Variants in ADGRV1 observed in about 807,000 individuals in gnomAD.
ADGRV1 encodes the protein G-protein coupled receptor 98.
A neutral mutation model predicts 596.2 loss-of-function variants in ADGRV1; 359 were observed. The observed-to-expected ratio is 0.60, with a 90% CI of 0.55 to 0.66. The LOEUF is 0.66. ADGRV1 is among the 30% of genes least tolerant of loss of function. The probability of loss-of-function intolerance (pLI) is 0.00; values close to 1 mark genes in which losing one functional copy is unlikely to be tolerated. For synonymous variants in ADGRV1, 2,681 were observed against 2,679.2 expected (o/e 1.00, Z -0.02); for missense variants, 7,274 against 7,575.6 (o/e 0.96, Z 1.48).
intron 20 of ADGRV1, among the ~76,000 whole-genome samples, chr5:90,656,169 A>G (rs1022732994): frequency 1.3e-5 from 2 of 152,242 alleles, no homozygotes; most frequent in African/African-American, 4.8e-5. Context: ...TTTGTCCCAG[A>G]GAATTAGTCA....
At chr5:90,772,644 A>AT (rs1757813804) in intron 59 of ADGRV1, among the ~76,000 whole-genome samples, 1 of 152,206 alleles carries the variant, frequency 6.6e-6, no homozygotes, top group East Asian at 1.9e-4. Flanking sequence ...CTCAATATTG[A>AT]TTTTGGGGTT....
rs534266547 is a variant in ADGRV1 at position 90,791,234 on chromosome 5, G to A, written c.14405G>A (p.Arg4802Gln). The A allele has an allele frequency of 2.1e-4, 342 of 1,613,062 alleles. 3 individuals are homozygous for A. The East Asian group carries it at 7.0e-3, about 33-fold the overall frequency. ...TTTGGAGATGTGGCTGTTGGGCTTC[G>A]AATATCATCGGATCATAAAGAACAG... ...GTFGDVAVGLRISSDHKEQPI... is the reference protein window; with the variant it reads ...GTFGDVAVGLQISSDHKEQPI... The change falls in exon 70 of 90, where the codon CGA becomes CAA. Residue 4802 changes from arginine (R) to glutamine (Q), a missense_variant. By Grantham distance (43) the Arg-to-Gln change is conservative. Around this residue, in one of 5 missense-constraint regions of ADGRV1, gnomAD observed 1,874 missense variants for 1,970.2 expected, o/e 0.95. Transcript: ENST00000405460.
chr5:90,703,748 C>G lies in ADGRV1; in HGVS notation c.8239C>G (p.Leu2747Val), dbSNP rs758140783. The G allele has an allele frequency of 6.2e-7, 1 of 1,604,082 alleles. No homozygotes were observed. The highest frequency in any genetic ancestry group is 2.2e-5 in the East Asian group (1 of 44,638). ...TAACTGGAAAATTATTGGGCAAAAT[C>G]TAGAACTCAATTTTGCTAACTTTAG... is the stretch of plus-strand genomic sequence containing the variant. ...TVNWKIIGQN[L>V]ELNFANFSGQ... Residue 2747 changes from leucine to valine, a missense_variant, in exon 35 of 90, where the codon CTA becomes GTA. Coordinates refer to ENST00000405460, the MANE Select transcript of ADGRV1 (RefSeq NM_032119.4).
At chr5:91,000,668 CTGTGTGTGTGTGTGTG>C (rs6149110) in intron 85 of ADGRV1, among the ~76,000 whole-genome samples, 9 of 141,154 alleles carry the variant, frequency 6.4e-5, no homozygotes, top group Admixed American at 3.6e-4. Context: ...CTTACAGGAT[CTGTGTGTGTGTGTGTG>C]TGTGTGTGTG....
At chr5:91,131,191 C>T (rs1794183745) in intron 87 of ADGRV1, among the ~76,000 whole-genome samples, 1 of 152,206 alleles carries the variant, frequency 6.6e-6, no homozygotes, top group African/African-American at 2.4e-5. Context: ...TGAGAAATCT[C>T]CAAACTGCTT....
At position 90,776,583 on chromosome 5, in the gene ADGRV1, A is replaced by G. The variant is rs1420583808; in HGVS notation, c.12527+7A>G. 2 of 1,613,130 alleles carry G rather than the reference A, an allele frequency of 1.2e-6. No individual in the cohort carries two copies. The highest frequency in any genetic ancestry group is 1.7e-6 in the Non-Finnish European group (2 of 1,179,326). ...ATGGTACCGCTATTATCAGGTAAGG[A>G]CTTCATGATTTTTCTTTGCCTATAT... On this transcript the variant is annotated splice_region_variant and intron_variant, in intron 61 of 89. Coordinates refer to ENST00000405460, the MANE Select transcript of ADGRV1 (RefSeq NM_032119.4).
chr5:91,152,926 C>T (rs754690928), intron 88 of ADGRV1, among the ~76,000 whole-genome samples: 2 of 152,084 alleles, frequency 1.3e-5, no homozygotes, highest in African/African-American at 4.8e-5. Flanking sequence ...ATCCTCCCAC[C>T]GAAATTTAAG....
intron 1 of ADGRV1, among the ~76,000 whole-genome samples, chr5:90,602,458 C>A (rs1268735804): frequency 6.6e-6 from 1 of 152,094 alleles, no homozygotes; most frequent in Non-Finnish European, 1.5e-5. Flanking sequence ...TAGTATGTAC[C>A]TTTTGTATAA....
At chr5:90,868,900 A>G (rs749858990) in intron 83 of ADGRV1, among the ~76,000 whole-genome samples, 13 of 152,126 alleles carry the variant, frequency 8.5e-5, no homozygotes, top group Non-Finnish European at 1.8e-4. Context: ...TCAATTGTGA[A>G]ATTAAACCAA....
intron 21 of ADGRV1, among the ~76,000 whole-genome samples, chr5:90,660,412 G>T (rs1770093422): frequency 6.6e-6 from 1 of 152,178 alleles, no homozygotes; most frequent in Non-Finnish European, 1.5e-5. Context: ...GTCTGTGCTT[G>T]TAATTATCTT....
At chr5:90,836,702 G>A (rs75027774) in intron 77 of ADGRV1, among the ~76,000 whole-genome samples, 2,775 of 152,280 alleles carry the variant, frequency 0.018, 197 homozygotes, top group Admixed American at 0.11. Context: ...TTACAGTCAT[G>A]CAAAATGTTA....
chr5:90,825,142 G>T (rs1185257167), intron 76 of ADGRV1, among the ~76,000 whole-genome samples: 1 of 152,012 alleles, frequency 6.6e-6, no homozygotes, highest in Non-Finnish European at 1.5e-5. Context: ...TCACCCTGTT[G>T]GCCTGGCTAG....
intron 75 of ADGRV1, among the ~76,000 whole-genome samples, chr5:90,819,547 G>A (rs1763260682): frequency 6.7e-6 from 1 of 149,746 alleles, no homozygotes; most frequent in African/African-American, 2.5e-5. Flanking sequence ...TCTCTTGTGG[G>A]CATTTAGTGC....
intron 42 of ADGRV1, among the ~76,000 whole-genome samples, chr5:90,715,272 G>C (rs1409807796): frequency 6.6e-6 from 1 of 152,178 alleles, no homozygotes; most frequent in Non-Finnish European, 1.5e-5. Flanking sequence ...ACTGCTGTGG[G>C]CAACTGACAC....
chr5:90,711,386 A>C, intron 41 of ADGRV1, 64 bp downstream of exon 41: 1 of 1,270,678 alleles, frequency 7.9e-7, no homozygotes. Context: ...ATTCCTTGAG[A>C]ATTACAGTGA....
intron 1 of ADGRV1, among the ~76,000 whole-genome samples, chr5:90,584,155 G>A (rs1158054239): frequency 6.6e-6 from 1 of 152,160 alleles, no homozygotes; most frequent in African/African-American, 2.4e-5. Context: ...GATTAACTGA[G>A]TTTCATGTAA....
chr5:90,694,499 G>C lies in ADGRV1; in HGVS notation c.7743G>C (p.Val2581=), dbSNP rs1400183112. 2 of 1,613,922 alleles carry C rather than the reference G, an allele frequency of 1.2e-6. No homozygotes were observed. The highest frequency in any genetic ancestry group is 3.3e-5 in the Admixed American group (2 of 60,010). ...ATGGTGATGCCTTTGGAGTGTTTGT[G>C]ATCTACAATATTAGTCCCAATACTT... ...ALNGDAFGVF[V]IYNISPNTSE... The change falls in exon 33 of 90, where the codon GTG becomes GTC. Residue 2581 remains valine, a synonymous_variant. Coordinates refer to ENST00000405460, the MANE Select transcript of ADGRV1 (RefSeq NM_032119.4).
At chr5:90,646,521 C>G (rs1450042160) in intron 16 of ADGRV1, among the ~76,000 whole-genome samples, 2 of 151,480 alleles carry the variant, frequency 1.3e-5, no homozygotes, top group African/African-American at 4.8e-5. Flanking sequence ...TAATGGATGG[C>G]CATACACTAT....
intron 70 of ADGRV1, among the ~76,000 whole-genome samples, chr5:90,796,886 A>G (rs187011331): frequency 6.6e-5 from 10 of 152,338 alleles, no homozygotes; most frequent in Admixed American, 3.9e-4. Context: ...TTCATAAGTG[A>G]AGGAGAAATA....
Sources: allele counts gnomAD v4.1 joint callset (sites outside exome capture counted in the v4.1 genomes callset), GRCh38; gene constraint gnomAD v4.1.1; regional missense constraint gnomAD v4.1.1; transcripts MANE v1.5; gene names NCBI Gene and HGNC (gene_info 2026-07-23, HGNC 2026-07-21).